The following FILIP1 variants were observed in gnomAD, a reference collection of about 807,000 sequenced individuals.
The protein encoded by FILIP1 is filamin A interacting protein 1.
In FILIP1, 61 loss-of-function variants were observed where a neutral mutation model predicts 102.1. That is an observed-to-expected ratio of 0.60 (90% CI 0.49 to 0.74). FILIP1 has a LOEUF of 0.74. Ranked by LOEUF, FILIP1 falls within the 30% of genes least tolerant of loss-of-function variation. The pLI, the probability that FILIP1 is intolerant of heterozygous loss-of-function variation, is 0.00. For synonymous variants in FILIP1, 491 were observed against 526.9 expected (o/e 0.93, Z 0.93); for missense variants, 1,314 against 1,441.2 (o/e 0.91, Z 1.43).
intron 2 of FILIP1, among the ~76,000 whole-genome samples, chr6:75,396,989 GA>G (rs556819734): frequency 1.1e-3 from 135 of 126,664 alleles, no homozygotes; most frequent in African/African-American, 3.7e-3. Context: ...CACAGGAAGG[GA>G]AACATCACAC....
intron 1 of FILIP1, among the ~76,000 whole-genome samples, chr6:75,427,933 C>A (rs949031394): frequency 1.3e-5 from 2 of 152,128 alleles, no homozygotes; most frequent in Non-Finnish European, 2.9e-5. Context: ...TTTGTTAACA[C>A]TAGAGGATTT....
rs779187995 is a variant in FILIP1, at chr6:75,314,214, C to T, written c.1618G>A (p.Val540Ile). The change falls in exon 5 of 6, where the codon GTT becomes ATT. Residue 540 changes from valine to isoleucine, a missense_variant. Physicochemically the swap from Val to Ile is conservative, Grantham distance 29. Transcript: ENST00000237172. ...ATTAGTTTTTCAGTTACATCCATAA[C>T]TTTTCCTTGTTCCACCTTAAAATTT... ...NKNFKVEQGK[V>I]MDVTEKLIEE... The T allele has an allele frequency of 6.4e-7, 1 of 1,561,972 alleles. No homozygotes were observed. Among genetic ancestry groups the T allele is most frequent in the Non-Finnish European group, 8.6e-7 (1 of 1,164,868 alleles).
chr6:75,435,092 AT>A (rs1387328646), intron 1 of FILIP1, among the ~76,000 whole-genome samples: 2 of 152,164 alleles, frequency 1.3e-5, no homozygotes, highest in Non-Finnish European at 2.9e-5. Context: ...GTTTGCCAGT[AT>A]TTTATTGAGG....
intron 4 of FILIP1, among the ~76,000 whole-genome samples, chr6:75,336,958 C>T (rs952165785): frequency 4.6e-5 from 7 of 152,198 alleles, no homozygotes; most frequent in Non-Finnish European, 5.9e-5. Context: ...AAACGTCCCA[C>T]TATTAGCTTC....
At position 75,308,630 on chromosome 6, in the gene FILIP1, T is replaced by G; in HGVS notation, c.*61A>C. The G allele has an allele frequency of 6.2e-7, 1 of 1,601,742 alleles. No individual in the cohort carries two copies. The highest frequency in any genetic ancestry group is 1.3e-5 in the African/African-American group (1 of 74,754). ...CATGTAAAGAACTGGCACAAACAGA[T>G]GAAGGTTCACTTTCACGGCAGCAGT... On this transcript the variant is annotated 3_prime_UTR_variant, in exon 6 of 6. Coordinates refer to ENST00000237172, the MANE Select transcript of FILIP1 (RefSeq NM_015687.5).
chr6:75,486,667 T>C (rs1779797904), intron 1 of FILIP1, among the ~76,000 whole-genome samples: 1 of 152,160 alleles, frequency 6.6e-6, no homozygotes, highest in Non-Finnish European at 1.5e-5. Context: ...CTAGGTAAGT[T>C]ATTTAACATT....
In FILIP1 at chr6:75,308,769, AGCTCGAG is replaced by A. The variant is rs1773073977; in HGVS notation, c.3557_3563del (p.Pro1186LeufsTer6). On this transcript the variant is annotated frameshift_variant, in exon 6 of 6. Transcript: ENST00000237172. LOFTEE classifies it high-confidence loss of function. ...GCTCTATTTTCATAGACTGAGTCTC[AGCTCGAG>A]GCTCGAATTTGGTCAGATTTCCTGC... 6.2e-7 allele frequency: 1 copy of A among 1,613,742 alleles called. No homozygotes were observed. Among genetic ancestry groups the A allele is most frequent in the African/African-American group, 1.3e-5 (1 of 74,830 alleles).
In FILIP1 at chr6:75,452,889, C is replaced by A. The variant is rs753359269; in HGVS notation, c.-6-37911G>T. Among the ~76,000 whole-genome samples, 31 of 152,114 alleles carry A rather than the reference C, an allele frequency of 2.0e-4. 1 individual carries two copies. Among genetic ancestry groups the A allele is most frequent in the Non-Finnish European group, 5.9e-5 (4 of 68,034 alleles). On this transcript the variant is annotated intron_variant, in intron 1 of 5. Transcript: ENST00000237172. ...TGTTTTTAAAAAGTAAGGTATGATG[C>A]CATTTAACATGAAGGTGTCATATTT...
At chr6:75,405,793 T>C (rs1776825163) in intron 2 of FILIP1, among the ~76,000 whole-genome samples, 1 of 151,988 alleles carries the variant, frequency 6.6e-6, no homozygotes, top group Non-Finnish European at 1.5e-5. Context: ...GTGGGAAAAA[T>C]GGTAATGACA....
chr6:75,493,372 A>G (rs1025265245), intron 1 of FILIP1, 42 bp downstream of exon 1: 2 of 152,214 alleles, frequency 1.3e-5, no homozygotes, highest in African/African-American at 2.4e-5. Context: ...GTGGAAACAG[A>G]TATTTCTTAA....
At chr6:75,473,293 A>T (rs1186243623) in intron 1 of FILIP1, among the ~76,000 whole-genome samples, 1 of 152,188 alleles carries the variant, frequency 6.6e-6, no homozygotes, top group Non-Finnish European at 1.5e-5. Flanking sequence ...AAGAGACACA[A>T]CTAAGTGTAA....
intron 5 of FILIP1, among the ~76,000 whole-genome samples, chr6:75,309,854 A>T (rs1317247034): frequency 6.6e-6 from 1 of 152,154 alleles, no homozygotes; most frequent in Non-Finnish European, 1.5e-5. Context: ...ACCATAGTTC[A>T]AGCCTGCTCC....
intron 1 of FILIP1, among the ~76,000 whole-genome samples, chr6:75,479,522 T>C (rs1779589513): frequency 2.0e-5 from 3 of 152,200 alleles, no homozygotes. Context: ...TTATTCCAAA[T>C]TATTTATGTC....
chr6:75,408,747 G>A (rs978502856), intron 2 of FILIP1, among the ~76,000 whole-genome samples: 8 of 152,018 alleles, frequency 5.3e-5, no homozygotes, highest in Non-Finnish European at 1.2e-4. Context: ...ACCTACTATG[G>A]GCAGACTTGA....
chr6:75,415,007 A>C, intron 1 of FILIP1, 29 bp from the exon 2 acceptor site: 1 of 1,588,224 alleles, frequency 6.3e-7, no homozygotes, highest in Non-Finnish European at 8.6e-7. Context: ...AAAAGATAAG[A>C]TGTTCTTTAC....
At chr6:75,412,257 C>T (rs1342209535) in intron 2 of FILIP1, among the ~76,000 whole-genome samples, 1 of 152,106 alleles carries the variant, frequency 6.6e-6, no homozygotes. Flanking sequence ...GATTTTTGCA[C>T]ATTGATTTTG....
chr6:75,383,758 T>G (rs1457804589), intron 2 of FILIP1, among the ~76,000 whole-genome samples: 1 of 152,206 alleles, frequency 6.6e-6, no homozygotes, highest in African/African-American at 2.4e-5. Flanking sequence ...CCTTATCAGA[T>G]AGACACTATT....
At chr6:75,316,094 T>C (rs891106968) in intron 4 of FILIP1, among the ~76,000 whole-genome samples, 1 of 152,220 alleles carries the variant, frequency 6.6e-6, no homozygotes, top group African/African-American at 2.4e-5. Context: ...GGAATTATTG[T>C]TTCACTTGTG....
chr6:75,413,644 G>C (rs1386272318), intron 2 of FILIP1, among the ~76,000 whole-genome samples: 1 of 151,896 alleles, frequency 6.6e-6, no homozygotes, highest in Non-Finnish European at 1.5e-5. Flanking sequence ...AAGCCAACAA[G>C]GATTTTATTT....
Sources: allele counts gnomAD v4.1 joint callset (sites outside exome capture counted in the v4.1 genomes callset), GRCh38; gene constraint gnomAD v4.1.1; transcripts MANE v1.5; gene names NCBI Gene and HGNC (gene_info 2026-07-23, HGNC 2026-07-21).